Variants in CSGALNACT1 observed in about 807,000 individuals in gnomAD.
CSGALNACT1 encodes beta4GalNAcT-1.
CSGALNACT1 carries 52 observed loss-of-function variants against 51.0 expected under a neutral mutation model. That is an observed-to-expected ratio of 1.02 (90% CI 0.82 to 1.29). The LOEUF is 1.29. CSGALNACT1 is among the 50% of genes most tolerant of loss of function. The pLI is 0.00. For synonymous variants in CSGALNACT1, 341 were observed against 254.4 expected (o/e 1.34, Z -3.24); for missense variants, 935 against 679.2 (o/e 1.38, Z -4.19).
At position 19,757,330 on chromosome 8, in the gene CSGALNACT1, A is replaced by AGCGGCGGCG; in HGVS notation, c.-297+511_-297+519dup. On this transcript the variant is annotated intron_variant, in intron 1 of 1. Transcript: ENST00000517494. This position sits in a 1 kb window ranked among gnomAD's most constrained non-coding sequence, Gnocchi z 4.0. ...TCCAGGGACCCCGGGGGCGGGGAGC[A>AGCGGCGGCG]GCGGCGGCGGCGGCGGCTCGGGCGG... is the stretch of plus-strand genomic sequence containing the variant. 6.6e-6 allele frequency: 1 copy of AGCGGCGGCG among 150,580 alleles called. No homozygotes were observed. Among genetic ancestry groups the AGCGGCGGCG allele is most frequent in the South Asian group, 1.8e-4 (1 of 5,664 alleles). The allele number at this position is 150,580 out of a possible 1,614,324, so 9.3% of individuals were successfully genotyped here.
chr8:19,420,490 T>C, exon 7 of CSGALNACT1: 2 of 1,614,112 alleles, frequency 1.2e-6, no homozygotes, highest in Non-Finnish European at 1.7e-6. Context: ...TTCAGCTGGA[T>C]GAAGGTAAAG....
intron 4 of CSGALNACT1, among the ~76,000 whole-genome samples, chr8:19,483,020 T>C (rs1486661678): frequency 2.0e-5 from 3 of 152,172 alleles, no homozygotes; most frequent in Non-Finnish European, 4.4e-5. Context: ...TACAGTGACA[T>C]TCACATAGAT....
Position 19,624,836 on chromosome 8 carries a change from G to A in CSGALNACT1, c.-543-22971C>T, listed in dbSNP as rs906432358. Among the ~76,000 whole-genome samples, 8 of 152,090 alleles carry A rather than the reference G, an allele frequency of 5.3e-5. No homozygotes were observed. In the East Asian group the frequency reaches 1.4e-3, roughly 26 times the overall value. On this transcript the variant is annotated intron_variant, in intron 1 of 9. Coordinates refer to the CSGALNACT1 transcript ENST00000332246. Reference sequence around the variant, plus strand: ...TGGCATTATAGGCATACACCACCACGCCCAGCTAATTTTTCTATTTTTAGT... The same window carrying A: ...TGGCATTATAGGCATACACCACCACACCCAGCTAATTTTTCTATTTTTAGT...
At chr8:19,516,112 C>T (rs79059927) in intron 3 of CSGALNACT1, among the ~76,000 whole-genome samples, 9,208 of 152,214 alleles carry the variant, frequency 0.06, 888 homozygotes, top group African/African-American at 0.21. Context: ...TTCCAACACC[C>T]TCCCCTCGTT....
At chr8:19,680,179 G>T (rs1332246128) in intron 1 of CSGALNACT1, among the ~76,000 whole-genome samples, 1 of 152,042 alleles carries the variant, frequency 6.6e-6, no homozygotes, top group African/African-American at 2.4e-5. Flanking sequence ...GCATCCATGG[G>T]CTCCTCTGCA....
At chr8:19,667,124 A>G (rs1275025930) in intron 1 of CSGALNACT1, among the ~76,000 whole-genome samples, 1 of 151,536 alleles carries the variant, frequency 6.6e-6, no homozygotes, top group Non-Finnish European at 1.5e-5. Flanking sequence ...TCACAATATC[A>G]AAAGACATAA....
chr8:19,742,170 T>A (rs1310804645), intron 1 of CSGALNACT1, among the ~76,000 whole-genome samples: 1 of 152,198 alleles, frequency 6.6e-6, no homozygotes, highest in Admixed American at 6.5e-5. Flanking sequence ...GAGCACAATA[T>A]AAATGTTTGC....
chr8:19,506,235 A>G (rs1323505228), intron 3 of CSGALNACT1, 105 bp from the exon 3 acceptor site: 2 of 402,436 alleles, frequency 5.0e-6, no homozygotes, highest in Non-Finnish European at 9.7e-6. Context: ...AGTTATGGCA[A>G]ATGCCTATGA....
chr8:19,583,310 A>G (rs2045972567), intron 3 of CSGALNACT1, among the ~76,000 whole-genome samples: 1 of 152,132 alleles, frequency 6.6e-6, no homozygotes, highest in Admixed American at 6.5e-5. Flanking sequence ...TTCTTTGTAC[A>G]TCTTTGAGTT....
At chr8:19,583,681 T>A (rs893417614) in intron 3 of CSGALNACT1, among the ~76,000 whole-genome samples, 1 of 152,204 alleles carries the variant, frequency 6.6e-6, no homozygotes, top group Non-Finnish European at 1.5e-5. Context: ...TGACAAGCAT[T>A]CCTCAGGATT....
At chr8:19,500,125 C>A (rs1035882633) in intron 4 of CSGALNACT1, among the ~76,000 whole-genome samples, 3 of 152,148 alleles carry the variant, frequency 2.0e-5, no homozygotes, top group African/African-American at 4.8e-5. Context: ...GAGAGAGGAA[C>A]CTTCTATCAC....
intron 1 of CSGALNACT1, chr8:19,641,956 G>A (rs1364108727): frequency 6.6e-6 from 1 of 152,180 alleles, no homozygotes; most frequent in African/African-American, 2.4e-5. Flanking sequence ...CTTTATAGGT[G>A]TAAAAACCAT....
chr8:19,457,065 G>A (rs2064254695), intron 5 of CSGALNACT1, among the ~76,000 whole-genome samples: 1 of 152,194 alleles, frequency 6.6e-6, no homozygotes. Flanking sequence ...GACTAGTAAT[G>A]TAGGCAGCTT....
chr8:19,409,142 A>G (rs1481673090), intron 8 of CSGALNACT1, among the ~76,000 whole-genome samples: 1 of 152,208 alleles, frequency 6.6e-6, no homozygotes, highest in Non-Finnish European at 1.5e-5. Flanking sequence ...GAAAAGGGAT[A>G]GAGAACAACT....
intron 4 of CSGALNACT1, among the ~76,000 whole-genome samples, chr8:19,470,435 G>C (rs2067864148): frequency 6.6e-6 from 1 of 152,172 alleles, no homozygotes; most frequent in Non-Finnish European, 1.5e-5. Flanking sequence ...AATTTGCACT[G>C]ACATCAGCAC....
intron 5 of CSGALNACT1, among the ~76,000 whole-genome samples, chr8:19,450,258 CAGGGGAGGAGAG>C (rs2062926406): frequency 1.8e-5 from 1 of 54,180 alleles, no homozygotes; most frequent in African/African-American, 8.2e-5. Flanking sequence ...GGGGGAGGAA[CAGGGGAGGAGAG>C]GGGGGAGGAG....
chr8:19,645,534 C>T (rs762152480), intron 1 of CSGALNACT1, among the ~76,000 whole-genome samples: 26 of 152,198 alleles, frequency 1.7e-4, no homozygotes, highest in Non-Finnish European at 2.9e-4. Flanking sequence ...TCCATTTCCG[C>T]AGCTGTCAAA....
intron 2 of CSGALNACT1, among the ~76,000 whole-genome samples, chr8:19,597,200 T>A (rs1318880443): frequency 6.6e-6 from 1 of 151,932 alleles, no homozygotes; most frequent in African/African-American, 2.4e-5. Flanking sequence ...TGAAAAATAT[T>A]CCATTGTATG....
intron 3 of CSGALNACT1, among the ~76,000 whole-genome samples, chr8:19,521,009 G>A (rs1041630426): frequency 3.9e-5 from 6 of 152,174 alleles, no homozygotes; most frequent in Admixed American, 2.0e-4. Context: ...AGGTTAATCT[G>A]GAAATGCAGA....
Sources: allele counts gnomAD v4.1 joint callset (sites outside exome capture counted in the v4.1 genomes callset), GRCh38; gene constraint gnomAD v4.1.1; non-coding constraint Gnocchi (gnomAD v3.1); transcripts MANE v1.5; gene names NCBI Gene and HGNC (gene_info 2026-07-23, HGNC 2026-07-21).